Variants in PRKCA observed in about 807,000 individuals in gnomAD.
PRKCA encodes protein kinase C alpha type.
PRKCA carries 27 observed loss-of-function variants against 87.0 expected under a neutral mutation model. That is an observed-to-expected ratio of 0.31 (90% confidence interval 0.23 to 0.43). The LOEUF is 0.43. Among genes scored for constraint, PRKCA ranks in the 20% least tolerant of loss-of-function variants. PRKCA has a pLI of 1.00. For synonymous variants in PRKCA, 329 were observed against 311.1 expected, an observed-to-expected ratio of 1.06 and a Z score of -0.61; for missense variants, 518 against 852.3, an observed-to-expected ratio of 0.61 and a Z score of 4.88.
intron 2 of PRKCA, among the ~76,000 whole-genome samples, chr17:66,361,568 C>T (rs1908393428): frequency 6.6e-6 from 1 of 152,128 alleles, no homozygotes; most frequent in South Asian, 2.1e-4. Context: ...GCCTCGGCCT[C>T]CCAAAATGCT....
intron 2 of PRKCA, among the ~76,000 whole-genome samples, chr17:66,327,971 A>T (rs746452821): frequency 2.0e-5 from 3 of 152,206 alleles, no homozygotes; most frequent in African/African-American, 4.8e-5. Context: ...AAAAGACTGC[A>T]TATGGAGTTA....
intron 11 of PRKCA, among the ~76,000 whole-genome samples, chr17:66,740,912 C>T (rs11871122): frequency 0.22 from 32,880 of 152,128 alleles, 3,968 homozygotes; most frequent in Middle Eastern, 0.33. Flanking sequence ...GGTGGCCCCT[C>T]GTTAAGGGTT....
At chr17:66,802,822 T>C (rs1274907607) in intron 16 of PRKCA, among the ~76,000 whole-genome samples, 1 of 152,176 alleles carries the variant, frequency 6.6e-6, no homozygotes, top group African/African-American at 2.4e-5. Flanking sequence ...GCCTGGTTAG[T>C]TTGAAATGTG....
intron 2 of PRKCA, chr17:66,306,396 C>G: frequency 2.8e-6 from 1 of 353,496 alleles, no homozygotes; most frequent in East Asian, 4.8e-5. Flanking sequence ...AAACTGCTGT[C>G]TTTGTGTGGG....
chr17:66,636,035 G>A (rs1439400520), intron 3 of PRKCA, among the ~76,000 whole-genome samples: 1 of 152,070 alleles, frequency 6.6e-6, no homozygotes, highest in Non-Finnish European at 1.5e-5. Context: ...TCCCTCTTCT[G>A]CCTTCTCCTG....
Position 66,807,822 on chromosome 17 carries a change from G to C in PRKCA, c.*3785G>C, listed in dbSNP as rs1327012454. 6.6e-6 allele frequency: 1 copy of C among 152,382 alleles called. No individual in the cohort carries two copies. 9.4% of individuals were successfully genotyped at this position (152,382 alleles called of 1,614,324 possible). ...CCCCAACGGACGTGCTGAGAAGGGA[G>C]AGGGAGGCGGGGGCTGTAGTCAGGA... On this transcript the variant is annotated 3_prime_UTR_variant, in exon 17 of 17. Coordinates refer to ENST00000413366, the MANE Select transcript of PRKCA (RefSeq NM_002737.3). The surrounding 1 kb of genome is among the most constrained non-coding windows in gnomAD (Gnocchi z 4.3).
At chr17:66,447,261 G>C (rs1914080142) in intron 2 of PRKCA, among the ~76,000 whole-genome samples, 1 of 152,142 alleles carries the variant, frequency 6.6e-6, no homozygotes. Flanking sequence ...GGTTTTGAAA[G>C]AAGGGAGTGA....
At chr17:66,458,921 C>T (rs916369373) in intron 2 of PRKCA, among the ~76,000 whole-genome samples, 2 of 152,236 alleles carry the variant, frequency 1.3e-5, no homozygotes, top group African/African-American at 4.8e-5. Context: ...TAACTGTGTG[C>T]CAACCACTTG....
intron 2 of PRKCA, among the ~76,000 whole-genome samples, chr17:66,386,980 C>T (rs1047667048): frequency 2.6e-5 from 4 of 152,258 alleles, no homozygotes; most frequent in Middle Eastern, 3.4e-3. Flanking sequence ...TCTCAGTGGT[C>T]TTCAGACTTG....
chr17:66,592,121 G>A (rs776452818), intron 3 of PRKCA, among the ~76,000 whole-genome samples: 1 of 152,042 alleles, frequency 6.6e-6, no homozygotes, highest in East Asian at 1.9e-4. Context: ...TTGAGAGGCC[G>A]AGGCAGGCAG....
intron 3 of PRKCA, among the ~76,000 whole-genome samples, chr17:66,585,180 GC>G (rs759488151): frequency 6.6e-6 from 1 of 152,120 alleles, no homozygotes; most frequent in African/African-American, 2.4e-5. Flanking sequence ...GAAGATGGCT[GC>G]CCCACCCTAA....
intron 3 of PRKCA, among the ~76,000 whole-genome samples, chr17:66,562,134 A>T (rs1224287831): frequency 1.4e-4 from 5 of 34,608 alleles, no homozygotes; most frequent in African/African-American, 9.1e-4. Context: ...ATATATAATT[A>T]AATTATATAT....
chr17:66,804,344 A>G lies in PRKCA; in HGVS notation c.*307A>G, dbSNP rs1975975783. Reference sequence around the variant, plus strand: ...CAGACTGTTGCCCCATTTTGGGTACAATTTGATATACTTTCCATACCCTCC... The same window carrying G: ...CAGACTGTTGCCCCATTTTGGGTACGATTTGATATACTTTCCATACCCTCC... On this transcript the variant is annotated 3_prime_UTR_variant, in exon 17 of 17. Coordinates refer to ENST00000413366, the MANE Select transcript of PRKCA (RefSeq NM_002737.3). 1 of 247,670 alleles carries G rather than the reference A, an allele frequency of 4.0e-6. No individual in the cohort carries two copies. Among genetic ancestry groups the G allele is most frequent in the African/African-American group, 2.2e-5 (1 of 44,770 alleles). 15.3% of individuals were successfully genotyped at this position (247,670 alleles called of 1,614,324 possible). A position where few individuals can be genotyped will look rare whatever the true frequency, so the allele number is the denominator to read the frequency against.
intron 2 of PRKCA, among the ~76,000 whole-genome samples, chr17:66,314,657 T>C (rs1008236777): frequency 6.6e-6 from 1 of 152,110 alleles, no homozygotes; most frequent in African/African-American, 2.4e-5. Context: ...AAATAAACCA[T>C]AAGGATGTAA....
chr17:66,377,354 A>G (rs184989322), intron 2 of PRKCA, among the ~76,000 whole-genome samples: 5 of 151,880 alleles, frequency 3.3e-5, no homozygotes, highest in Admixed American at 3.3e-4. Flanking sequence ...GAGCGTTGTC[A>G]ATCCCCTTAC....
intron 3 of PRKCA, among the ~76,000 whole-genome samples, chr17:66,558,085 A>G (rs1456865186): frequency 6.6e-6 from 1 of 152,252 alleles, no homozygotes; most frequent in Non-Finnish European, 1.5e-5. Flanking sequence ...CCAATACGGG[A>G]ATAGCTGTAC....
At chr17:66,515,188 G>A (rs948640482) in intron 3 of PRKCA, among the ~76,000 whole-genome samples, 5 of 150,888 alleles carry the variant, frequency 3.3e-5, no homozygotes, top group African/African-American at 9.8e-5. Flanking sequence ...CCTGGGAGGC[G>A]GAGGTTGCAG....
chr17:66,493,297 TTGTG>T (rs61513917), intron 2 of PRKCA, among the ~76,000 whole-genome samples: 1,871 of 143,160 alleles, frequency 0.013, 42 homozygotes, highest in Admixed American at 0.06. Context: ...GTAGGTATAT[TTGTG>T]TGTGTGTGTG....
intron 13 of PRKCA, among the ~76,000 whole-genome samples, chr17:66,746,581 G>A (rs1419804595): frequency 6.6e-6 from 1 of 152,160 alleles, no homozygotes; most frequent in African/African-American, 2.4e-5. Flanking sequence ...AGGCAAAGCG[G>A]AGGCTTAAGT....
Sources: allele counts gnomAD v4.1 joint callset (sites outside exome capture counted in the v4.1 genomes callset), GRCh38; gene constraint gnomAD v4.1.1; non-coding constraint Gnocchi (gnomAD v3.1); transcripts MANE v1.5; gene names NCBI Gene and HGNC (gene_info 2026-07-23, HGNC 2026-07-21).